IRAK1BP1: variants seen among roughly 807,000 people sequenced by gnomAD.
IRAK1BP1 encodes interleukin-1 receptor-associated kinase 1-binding protein 1.
A neutral mutation model predicts 28.0 loss-of-function variants in IRAK1BP1; 24 were observed. The ratio of observed to expected loss-of-function variants is 0.86; its 90% CI spans 0.62 to 1.20. The LOEUF (loss-of-function observed/expected upper bound fraction) is 1.20. Ranked by LOEUF, IRAK1BP1 falls within the 50% of genes most tolerant of loss-of-function variation. The probability of loss-of-function intolerance (pLI) is 0.00; values close to 1 mark genes in which losing one functional copy is unlikely to be tolerated. For missense variants in IRAK1BP1, 336 were observed against 316.7 expected (o/e 1.06, Z -0.46); for synonymous variants, 131 against 116.3 (o/e 1.13, Z -0.81).
rs371554043 is a variant in IRAK1BP1 at position 78,943,703 on chromosome 6, T to C, written c.*68-1705T>C. On this transcript the variant is annotated intron_variant and NMD_transcript_variant, in intron 4 of 4. Coordinates refer to the IRAK1BP1 transcript ENST00000606868. ...TTCTGGGACATAAAGATGGAAGTGC[T>C]TGGCTGGGCGTGGTGGCTCACATCT... Among the ~76,000 whole-genome samples, 8 of 152,192 alleles carry C rather than the reference T, an allele frequency of 5.3e-5. No individual in the cohort carries two copies. The East Asian group carries it at 1.4e-3, about 26-fold the overall frequency.
At chr6:78,870,865 C>A (rs1770771232) in intron 1 of IRAK1BP1, among the ~76,000 whole-genome samples, 1 of 152,074 alleles carries the variant, frequency 6.6e-6, no homozygotes, top group South Asian at 2.1e-4. Context: ...GCGCCTGCCA[C>A]CACGCCTGGT....
chr6:78,922,327 A>G (rs1348002711), intron 4 of IRAK1BP1, among the ~76,000 whole-genome samples: 1 of 152,234 alleles, frequency 6.6e-6, no homozygotes, highest in Non-Finnish European at 1.5e-5. Context: ...GGTATCAGTA[A>G]TGGAAGATCA....
intron 4 of IRAK1BP1, among the ~76,000 whole-genome samples, chr6:78,934,693 T>G (rs1773197399): frequency 6.6e-6 from 1 of 152,170 alleles, no homozygotes; most frequent in Non-Finnish European, 1.5e-5. Context: ...TTATCACCAC[T>G]GGCTATTTGA....
At position 78,867,885 on chromosome 6, in the gene IRAK1BP1, C is replaced by T. The variant is rs771961658; in HGVS notation, c.309C>T (p.Gly103=). 1.1e-5 allele frequency: 18 copies of T among 1,587,018 alleles called. No homozygotes were observed. Among genetic ancestry groups the T allele is most frequent in the Non-Finnish European group, 1.5e-5 (18 of 1,165,698 alleles). ...TCACGCAGAGCCTCCAGCAGCAGGGCGTGCAGGTGAGATCTCCGCGGGGGA... is the reference window on the plus strand; with the variant it reads ...TCACGCAGAGCCTCCAGCAGCAGGGTGTGCAGGTGAGATCTCCGCGGGGGA... ...DYITQSLQQQ[G]VQAENITVTK... Residue 103 remains glycine (G), a synonymous_variant, in exon 1 of 4, where the codon GGC becomes GGT. Coordinates refer to ENST00000369940, the MANE Select transcript of IRAK1BP1 (RefSeq NM_001010844.4).
the IRAK1BP1 span, among the ~76,000 whole-genome samples, chr6:78,969,254 T>C: frequency 6.6e-6 from 1 of 152,296 alleles, no homozygotes. Context: ...GGTATATCAA[T>C]TGATGTGCTT....
chr6:78,927,376 A>G (rs1308996829), intron 4 of IRAK1BP1, among the ~76,000 whole-genome samples: 1 of 152,006 alleles, frequency 6.6e-6, no homozygotes, highest in African/African-American at 2.4e-5. Context: ...TCTTTTGCCC[A>G]TTTTTAAATC....
Position 78,880,381 on chromosome 6 carries a change from G to A in IRAK1BP1, c.316-4997G>A, listed in dbSNP as rs74666458. ...CAAGTTTTGAATTTTTGAGCTTTTC[G>A]AATTTTGGATTTTCACATTTAGGAT... On this transcript the variant is annotated intron_variant, in intron 1 of 3. Coordinates refer to ENST00000369940, the MANE Select transcript of IRAK1BP1 (RefSeq NM_001010844.4). Among the ~76,000 whole-genome samples the A allele has an allele frequency of 8.6e-3, 1,307 of 152,248 alleles. 22 individuals are homozygous for A. Among genetic ancestry groups the A allele is most frequent in the African/African-American group, 0.029 (1,214 of 41,548 alleles).
At chr6:78,891,872 CT>C (rs1242656554) in intron 2 of IRAK1BP1, among the ~76,000 whole-genome samples, 3 of 152,162 alleles carry the variant, frequency 2.0e-5, no homozygotes, top group African/African-American at 7.2e-5. Context: ...TTTCCCTCTC[CT>C]TTTCCTTGCA....
chr6:78,879,245 A>G (rs1771129225), intron 1 of IRAK1BP1, among the ~76,000 whole-genome samples: 1 of 152,094 alleles, frequency 6.6e-6, no homozygotes, highest in African/African-American at 2.4e-5. Context: ...GATACACCTA[A>G]TGTAAATGAC....
At chr6:78,965,103 GAC>G in the IRAK1BP1 span, among the ~76,000 whole-genome samples, 656 of 152,266 alleles carry the variant, frequency 4.3e-3, 2 homozygotes, top group African/African-American at 0.014. Context: ...TATGCATAAT[GAC>G]AGTTATATTA....
At chr6:78,946,686 G>C, downstream of IRAK1BP1, 1 of 1,524,226 alleles carries the variant, frequency 6.6e-7, no homozygotes, top group Non-Finnish European at 8.7e-7. Context: ...AGATCAGCTA[G>C]TGGTATTTAA....
chr6:78,887,362 A>G (rs964310877), intron 2 of IRAK1BP1, among the ~76,000 whole-genome samples: 23 of 152,142 alleles, frequency 1.5e-4, no homozygotes, highest in African/African-American at 5.1e-4. Context: ...TAGAATGGCT[A>G]TTATCAAAAA....
At position 78,919,344 on chromosome 6, in the gene IRAK1BP1, C is replaced by T. The variant is rs750156650; in HGVS notation, c.*67+16234C>T. On this transcript the variant is annotated intron_variant and NMD_transcript_variant, in intron 4 of 4. Transcript: ENST00000606868. ...CCAAAGGAAGAGAAATAACTAAAAT[C>T]AAAGCAGAACTGAATGAAATTGAGA... Among the ~76,000 whole-genome samples the T allele has an allele frequency of 4.3e-4, 65 of 151,868 alleles. 1 individual carries two copies. The highest frequency in any genetic ancestry group is 7.8e-4 in the Non-Finnish European group (53 of 67,968).
At chr6:78,932,087 C>T (rs1055786608) in intron 4 of IRAK1BP1, among the ~76,000 whole-genome samples, 4 of 152,202 alleles carry the variant, frequency 2.6e-5, no homozygotes, top group African/African-American at 9.7e-5. Context: ...TAAGAAGCAA[C>T]TCCTTAGCCA....
At chr6:78,889,525 A>G (rs1342096228) in intron 2 of IRAK1BP1, among the ~76,000 whole-genome samples, 8 of 151,632 alleles carry the variant, frequency 5.3e-5, no homozygotes, top group Non-Finnish European at 1.0e-4. Flanking sequence ...CTTGCTATCC[A>G]TCTGACAAAG....
Position 78,902,897 on chromosome 6 carries a change from ATAT to A in IRAK1BP1, c.*4566_*4568del. The A allele has an allele frequency of 1.5e-6, 1 of 669,080 alleles. No homozygotes were observed. Among genetic ancestry groups the A allele is most frequent in the East Asian group, 2.7e-5 (1 of 36,852 alleles). 41.4% of individuals were successfully genotyped at this position (669,080 alleles called of 1,614,324 possible). On this transcript the variant is annotated 3_prime_UTR_variant, in exon 4 of 4. Transcript: ENST00000369940. ...CAGACACTGCTCTTCAAGAGAGGTA[ATAT>A]TAATAGAAATCTTTCAAGAAGGATT...
chr6:78,946,621 A>T, downstream of IRAK1BP1: 1 of 1,459,212 alleles, frequency 6.9e-7, no homozygotes, highest in Non-Finnish European at 9.0e-7. Flanking sequence ...CAATATAGGG[A>T]ATAGTAAAGG....
chr6:78,908,652 C>T (rs1423941581), intron 4 of IRAK1BP1, among the ~76,000 whole-genome samples: 1 of 152,170 alleles, frequency 6.6e-6, no homozygotes, highest in Non-Finnish European at 1.5e-5. Context: ...AGATGGCACT[C>T]ATTGGTCAGT....
the IRAK1BP1 span, among the ~76,000 whole-genome samples, chr6:78,971,677 T>A: frequency 1.3e-5 from 2 of 152,052 alleles, no homozygotes; most frequent in Non-Finnish European, 2.9e-5. Context: ...GCGCGCACCG[T>A]GTGCGAGCCG....
Sources: gnomAD v4.1 joint callset for allele counts (sites outside exome capture counted in the v4.1 genomes callset) on GRCh38, gnomAD v4.1.1 for gene constraint, MANE v1.5 for transcripts, NCBI Gene and HGNC (gene_info 2026-07-23, HGNC 2026-07-21) for gene names.